UBE2E3: variants seen among roughly 807,000 people sequenced by gnomAD.
UBE2E3 encodes ubiquitin-conjugating enzyme E2 E3.
Under a neutral mutation model 23.6 loss-of-function variants are expected in UBE2E3, and 5 were observed. The observed-to-expected ratio is 0.21, with a 90% CI of 0.11 to 0.44. UBE2E3 has a LOEUF of 0.44. UBE2E3 is among the 20% of genes least tolerant of loss of function. The probability of loss-of-function intolerance (pLI) is 0.99; values close to 1 mark genes in which losing one functional copy is unlikely to be tolerated. For synonymous variants in UBE2E3, 78 were observed against 87.5 expected (o/e 0.89, Z 0.60); for missense variants, 81 against 249.8 (o/e 0.32, Z 4.55).
At chr2:181,018,616 T>C (rs1176227504) in intron 3 of UBE2E3, among the ~76,000 whole-genome samples, 111 of 148,382 alleles carry the variant, frequency 7.5e-4, no homozygotes, top group African/African-American at 2.6e-3. Flanking sequence ...TTTTTTTTTT[T>C]CCATTAGTGA....
intron 5 of UBE2E3, among the ~76,000 whole-genome samples, chr2:181,062,385 TTTGAAATAGCATGGTA>T (rs1422838155): frequency 1.3e-5 from 2 of 151,696 alleles, no homozygotes; most frequent in East Asian, 3.9e-4. Context: ...AAGCATTTTA[TTTGAAATAGCATGGTA>T]TTGTAAGACT....
In UBE2E3 at chr2:180,984,143, A is replaced by C. The variant is rs752213077; in HGVS notation, c.245+50A>C. ...GGTTTCAAATTGTGGAAAAATACCA[A>C]GAGATTGATGTATTGTCTGGATATG... On this transcript the variant is annotated intron_variant, in intron 3 of 5. Coordinates refer to ENST00000410062, the MANE Select transcript of UBE2E3 (RefSeq NM_006357.4). 4.4e-5 allele frequency: 66 copies of C among 1,503,932 alleles called. No homozygotes were observed. In the Admixed American group the frequency reaches 1.1e-3, roughly 25 times the overall value. 93.2% of individuals were successfully genotyped at this position (1,503,932 alleles called of 1,614,324 possible).
chr2:180,996,110 T>A (rs903673345), intron 3 of UBE2E3, among the ~76,000 whole-genome samples: 1 of 152,044 alleles, frequency 6.6e-6, no homozygotes, highest in East Asian at 1.9e-4. Context: ...TTTCTTAATT[T>A]AAAAAAAACT....
intron 3 of UBE2E3, among the ~76,000 whole-genome samples, chr2:181,013,478 T>A (rs527407552): frequency 4.2e-5 from 4 of 94,470 alleles, no homozygotes; most frequent in African/African-American, 1.2e-4. Context: ...CCTCACTGGC[T>A]GTTGGCAAAT....
chr2:181,046,364 C>T (rs538371786), intron 3 of UBE2E3, among the ~76,000 whole-genome samples: 188 of 152,164 alleles, frequency 1.2e-3, no homozygotes, highest in African/African-American at 4.2e-3. Context: ...TACCTGCCCT[C>T]GTATATCAAA....
In UBE2E3 at chr2:181,022,739, C is replaced by CA. The variant is rs35485120; in HGVS notation, c.246-34944dup. 7.7e-3 allele frequency among the ~76,000 whole-genome samples: 1,124 copies of CA among 145,668 alleles called. 5 individuals are homozygous for CA. The highest frequency in any genetic ancestry group is 0.02 in the African/African-American group (795 of 39,720). The stretch of plus-strand genomic sequence containing the variant: ...GTAGGCTGCAAAAAAAAACAAAAAA[C>CA]AAAAAAAAAACCCCACAGGTTTACA... On this transcript the variant is annotated intron_variant, in intron 3 of 5. Coordinates refer to ENST00000410062, the MANE Select transcript of UBE2E3 (RefSeq NM_006357.4).
At chr2:181,014,161 A>G (rs548568506) in intron 3 of UBE2E3, among the ~76,000 whole-genome samples, 6 of 152,320 alleles carry the variant, frequency 3.9e-5, no homozygotes, top group Admixed American at 1.3e-4. Context: ...ATTCGGAGAT[A>G]GGAAATCCTG....
intron 3 of UBE2E3, among the ~76,000 whole-genome samples, chr2:180,991,702 G>T (rs1285819600): frequency 6.6e-6 from 1 of 152,132 alleles, no homozygotes; most frequent in African/African-American, 2.4e-5. Context: ...TGTATTTTAT[G>T]TGTGGCCCAA....
chr2:181,026,063 C>T (rs1299779347), intron 3 of UBE2E3, among the ~76,000 whole-genome samples: 6 of 151,854 alleles, frequency 4.0e-5, no homozygotes, highest in Non-Finnish European at 8.9e-5. Context: ...GCAGTTAATA[C>T]AATGACAGTA....
intron 3 of UBE2E3, among the ~76,000 whole-genome samples, chr2:180,995,172 G>A (rs1684786591): frequency 6.6e-6 from 1 of 151,938 alleles, no homozygotes; most frequent in African/African-American, 2.4e-5. Context: ...ACTGTGTTTC[G>A]TGCAATACTG....
chr2:181,030,619 A>T (rs1686046369), intron 3 of UBE2E3, among the ~76,000 whole-genome samples: 1 of 152,122 alleles, frequency 6.6e-6, no homozygotes, highest in Admixed American at 6.5e-5. Context: ...TGATTCTCAG[A>T]AGCGTTTTAA....
intron 3 of UBE2E3, chr2:180,990,026 T>G: frequency 1.3e-6 from 2 of 1,481,926 alleles, no homozygotes; most frequent in South Asian, 2.5e-5. Context: ...AAGTGATTTT[T>G]TTTTCCACAT....
chr2:181,061,070 A>C (rs1011191513), intron 5 of UBE2E3, among the ~76,000 whole-genome samples: 1 of 150,994 alleles, frequency 6.6e-6, no homozygotes, highest in Non-Finnish European at 1.5e-5. Flanking sequence ...CATTAATGGA[A>C]TCTCTACTTT....
At chr2:181,018,596 G>A (rs1458650978) in intron 3 of UBE2E3, among the ~76,000 whole-genome samples, 2 of 105,746 alleles carry the variant, frequency 1.9e-5, no homozygotes, top group Non-Finnish European at 4.0e-5. Context: ...TTCAATTTCT[G>A]TGTTTTTTTT....
chr2:181,029,613 T>G (rs1686008549), intron 3 of UBE2E3, among the ~76,000 whole-genome samples: 1 of 151,598 alleles, frequency 6.6e-6, no homozygotes, highest in African/African-American at 2.4e-5. Flanking sequence ...TTAATTCTAA[T>G]AATTTGCTTA....
intron 3 of UBE2E3, among the ~76,000 whole-genome samples, chr2:181,012,797 G>A (rs1253069795): frequency 6.6e-6 from 1 of 152,088 alleles, no homozygotes; most frequent in Non-Finnish European, 1.5e-5. Context: ...TTAGACTAAA[G>A]TTTTATTATC....
At chr2:181,001,361 C>T (rs556024215) in intron 3 of UBE2E3, among the ~76,000 whole-genome samples, 3 of 152,216 alleles carry the variant, frequency 2.0e-5, no homozygotes, top group Non-Finnish European at 2.9e-5. Flanking sequence ...GTAGAATTTT[C>T]GAGCTTCTTA....
intron 3 of UBE2E3, among the ~76,000 whole-genome samples, chr2:180,985,642 G>T (rs1684439411): frequency 6.6e-6 from 1 of 152,066 alleles, no homozygotes; most frequent in Non-Finnish European, 1.5e-5. Context: ...TGTCAAATCT[G>T]TAGCCATTTA....
chr2:181,028,367 A>G (rs969163009), intron 3 of UBE2E3, among the ~76,000 whole-genome samples: 13 of 152,062 alleles, frequency 8.5e-5, no homozygotes, highest in Admixed American at 5.2e-4. Context: ...TCGTACTGTG[A>G]AGATTACTGA....
Sources: gnomAD v4.1 joint callset for allele counts (sites outside exome capture counted in the v4.1 genomes callset) on GRCh38, gnomAD v4.1.1 for gene constraint, MANE v1.5 for transcripts, NCBI Gene and HGNC (gene_info 2026-07-23, HGNC 2026-07-21) for gene names.